EXTL3: variants seen among roughly 807,000 people sequenced by gnomAD.
The protein encoded by EXTL3 is exostosin like glycosyltransferase 3.
A neutral mutation model predicts 69.3 loss-of-function variants in EXTL3; 27 were observed. That is an observed-to-expected ratio of 0.39 (90% CI 0.29 to 0.54). The LOEUF (loss-of-function observed/expected upper bound fraction) is 0.54. Among genes scored for constraint, EXTL3 ranks in the 20% least tolerant of loss-of-function variants. EXTL3 has a pLI of 0.69. For synonymous variants in EXTL3, 511 were observed against 499.4 expected, an observed-to-expected ratio of 1.02 and a Z score of -0.31; for missense variants, 1,003 against 1,231.8, an observed-to-expected ratio of 0.81 and a Z score of 2.78.
At chr8:28,652,942 ACAT>A (rs1806950554) in intron 1 of EXTL3, among the ~76,000 whole-genome samples, 1 of 152,184 alleles carries the variant, frequency 6.6e-6, no homozygotes, top group Non-Finnish European at 1.5e-5. Context: ...TCACCTCCAC[ACAT>A]GCATAGGCTG....
intron 1 of EXTL3, among the ~76,000 whole-genome samples, chr8:28,684,407 G>T (rs1191404953): frequency 6.6e-6 from 1 of 152,042 alleles, no homozygotes; most frequent in East Asian, 1.9e-4. Context: ...TTTTCAGAAG[G>T]CATTATTTCT....
chr8:28,711,256 C>A (rs996353991), intron 1 of EXTL3, among the ~76,000 whole-genome samples: 10 of 152,052 alleles, frequency 6.6e-5, no homozygotes, highest in Non-Finnish European at 1.2e-4. Context: ...GTTTTTCAAA[C>A]CAGTGACAAA....
chr8:28,655,662 T>C (rs1056054493), intron 1 of EXTL3, among the ~76,000 whole-genome samples: 3 of 152,008 alleles, frequency 2.0e-5, no homozygotes, highest in African/African-American at 7.2e-5. Context: ...TGGCTAGTTT[T>C]TTGTACTTTT....
intron 1 of EXTL3, among the ~76,000 whole-genome samples, chr8:28,668,887 A>G (rs1181157562): frequency 8.4e-5 from 1 of 11,864 alleles, no homozygotes; most frequent in Middle Eastern, 0.062. Context: ...TTTTTGAGAC[A>G]GAGTCTTACT....
chr8:28,717,694 C>T lies in EXTL3; in HGVS notation c.1635C>T (p.Ile545=). Residue 545 remains isoleucine, a synonymous_variant, in exon 3 of 7, where the codon ATC becomes ATT. Transcript: ENST00000220562. This position sits in a 1 kb window ranked among gnomAD's most constrained non-coding sequence, Gnocchi z 8.3. ...GCATCCAGATCCCAGCCGCTCCCAT[C>T]CGGGAAGAGGCGGCAGCTGAGATCC... The part of the protein sequence containing the change: ...RTRIQIPAAP[I]REEAAAEIPH... 1.9e-6 allele frequency: 3 copies of T among 1,614,234 alleles called. No homozygotes were observed. In the African/African-American group the frequency reaches 4.0e-5, roughly 22 times the overall value.
At chr8:28,619,077 G>A (rs1196077138), upstream of EXTL3, among the ~76,000 whole-genome samples, 1 of 122,404 alleles carries the variant, frequency 8.2e-6, no homozygotes, top group African/African-American at 3.3e-5. Context: ...GGGACACAGC[G>A]TGAGACTCCG....
intron 1 of EXTL3, among the ~76,000 whole-genome samples, chr8:28,640,836 A>G (rs965375960): frequency 3.3e-5 from 5 of 152,196 alleles, no homozygotes; most frequent in African/African-American, 1.2e-4. Context: ...TCCTGGGCTC[A>G]CGTGATCCTC....
At chr8:28,700,780 C>G (rs992315171), upstream of EXTL3, 1 of 152,324 alleles carries the variant, frequency 6.6e-6, no homozygotes, top group Non-Finnish European at 1.5e-5. Context: ...TGCTCCCACC[C>G]CCATCCCCTG....
Position 28,716,260 on chromosome 8 carries a change from C to T in EXTL3, c.201C>T (p.Pro67=), listed in dbSNP as rs1387673684. 1 of 1,614,070 alleles carries T rather than the reference C, an allele frequency of 6.2e-7. No homozygotes were observed. The highest frequency in any genetic ancestry group is 1.3e-5 in the African/African-American group (1 of 74,930). The change falls in exon 3 of 7, where the codon CCC becomes CCT. Residue 67 remains proline (P), a synonymous_variant. Coordinates refer to ENST00000220562, the MANE Select transcript of EXTL3 (RefSeq NM_001440.4). This position sits in a 1 kb window ranked among gnomAD's most constrained non-coding sequence, Gnocchi z 7.1. The part of the protein sequence containing the change: ...ADEAGKRIFG[P]RVGNELCEVK... Reference sequence around the variant, plus strand: ...AGGCAGGCAAGCGGATTTTTGGTCCCCGGGTGGGGAACGAGCTGTGCGAGG... The same window carrying T: ...AGGCAGGCAAGCGGATTTTTGGTCCTCGGGTGGGGAACGAGCTGTGCGAGG...
chr8:28,702,532 CTT>C (rs1800831206), intron 1 of EXTL3, among the ~76,000 whole-genome samples: 1 of 152,080 alleles, frequency 6.6e-6, no homozygotes, highest in African/African-American at 2.4e-5. Flanking sequence ...TCTCAGAAGA[CTT>C]AAATTTTGTG....
At chr8:28,615,593 A>G (rs1806320987) in intron 2 of EXTL3, among the ~76,000 whole-genome samples, 1 of 152,004 alleles carries the variant, frequency 6.6e-6, no homozygotes. Flanking sequence ...TTTGAGATGG[A>G]GCCTTGCTCT....
chr8:28,653,918 A>G (rs1039551256), intron 1 of EXTL3, among the ~76,000 whole-genome samples: 7 of 152,292 alleles, frequency 4.6e-5, no homozygotes, highest in Non-Finnish European at 1.0e-4. Flanking sequence ...CATTTCTGCA[A>G]AAGATGCTCT....
intron 5 of EXTL3, chr8:28,740,971 T>A (rs886458846): frequency 6.6e-6 from 1 of 152,236 alleles, no homozygotes; most frequent in Non-Finnish European, 1.5e-5. Flanking sequence ...CTCTTCTTTT[T>A]GAGATGGAGT....
chr8:28,706,170 G>A (rs2130712506), intron 1 of EXTL3, among the ~76,000 whole-genome samples: 2 of 152,256 alleles, frequency 1.3e-5, no homozygotes, highest in Admixed American at 6.5e-5. Flanking sequence ...ATTTTATACA[G>A]ATGATAAAGA....
intron 1 of EXTL3, among the ~76,000 whole-genome samples, chr8:28,633,955 G>A (rs1212729631): frequency 6.6e-6 from 1 of 152,154 alleles, no homozygotes; most frequent in Admixed American, 6.6e-5. Context: ...GCCCAGGGGT[G>A]ACTTTTCAGA....
chr8:28,747,319 A>G (rs1446842296), intron 6 of EXTL3, among the ~76,000 whole-genome samples: 3 of 152,180 alleles, frequency 2.0e-5, no homozygotes, highest in Non-Finnish European at 4.4e-5. Context: ...GGGAGAAGTG[A>G]GGAGACAGGT....
intron 4 of EXTL3, among the ~76,000 whole-genome samples, chr8:28,737,288 A>G (rs890741596): frequency 3.3e-5 from 5 of 152,186 alleles, no homozygotes; most frequent in African/African-American, 9.7e-5. Flanking sequence ...GGGCTGGAGG[A>G]TGCTGACTGC....
At chr8:28,626,136 C>G (rs1012826219) in intron 1 of EXTL3, among the ~76,000 whole-genome samples, 2 of 145,832 alleles carry the variant, frequency 1.4e-5, no homozygotes, top group Non-Finnish European at 3.0e-5. Flanking sequence ...TGCACCATTG[C>G]ACTACAATCT....
chr8:28,653,246 G>GT (rs1256869525), intron 1 of EXTL3, among the ~76,000 whole-genome samples: 1 of 152,100 alleles, frequency 6.6e-6, no homozygotes, highest in Non-Finnish European at 1.5e-5. Context: ...AGTTGTAGGA[G>GT]TTTTTTACGT....
Sources: gnomAD v4.1 joint callset for allele counts (sites outside exome capture counted in the v4.1 genomes callset) on GRCh38, gnomAD v4.1.1 for gene constraint, Gnocchi (gnomAD v3.1) non-coding constraint, MANE v1.5 for transcripts, NCBI Gene and HGNC (gene_info 2026-07-23, HGNC 2026-07-21) for gene names.